Variants in HDLBP observed in about 807,000 individuals in gnomAD.
The protein encoded by HDLBP is vigilin.
Under a neutral mutation model 137.3 loss-of-function variants are expected in HDLBP, and 30 were observed. The ratio of observed to expected loss-of-function variants is 0.22; its 90% CI spans 0.16 to 0.30. HDLBP has a LOEUF of 0.30. Ranked by LOEUF, HDLBP falls within the 10% of genes least tolerant of loss-of-function variation. The pLI is 1.00. For synonymous variants in HDLBP, 606 were observed against 596.0 expected (o/e 1.02, Z -0.24); for missense variants, 1,119 against 1,667.3 (o/e 0.67, Z 5.73).
Position 241,230,351 on chromosome 2 carries a change from A to G in HDLBP, c.3475-82T>C. ...ATTATGTGTCAATTTCTAGTGAAGC[A>G]TTTTCTGAGTTAGCAAACGTTTTAA... is the stretch of plus-strand genomic sequence containing the variant. On this transcript the variant is annotated intron_variant, in intron 25 of 27. Transcript: ENST00000310931. The surrounding 1 kb of genome is among the most constrained non-coding windows in gnomAD (Gnocchi z 5.0). The G allele has an allele frequency of 1.1e-6, 1 of 890,998 alleles. No homozygotes were observed. The highest frequency in any genetic ancestry group is 1.8e-6 in the Non-Finnish European group (1 of 566,132). The allele number at this position is 890,998 out of a possible 1,614,324, so 55.2% of individuals were successfully genotyped here.
rs200742521 is a variant in HDLBP at position 241,266,856 on chromosome 2, G to T, written c.14C>A (p.Ala5Glu). Residue 5 changes from alanine to glutamate, a missense_variant, in exon 3 of 28, where the codon GCA becomes GAA. Ala to Glu is a moderately radical substitution (Grantham distance 107). Coordinates refer to ENST00000310931, the MANE Select transcript of HDLBP (RefSeq NM_005336.6). ...AGCAAAACTCTCTTGGGTCAAAACTGCAACGGAACTCATGGTTGATCTCAC... is the reference window on the plus strand; with the variant it reads ...AGCAAAACTCTCTTGGGTCAAAACTTCAACGGAACTCATGGTTGATCTCAC... The part of the protein sequence containing the change: MSSV[A>E]VLTQESFAEH... 2 of 1,614,150 alleles carry T rather than the reference G, an allele frequency of 1.2e-6. No homozygotes were observed. The highest frequency in any genetic ancestry group is 2.2e-5 in the South Asian group (2 of 91,080).
intron 1 of HDLBP, among the ~76,000 whole-genome samples, chr2:241,291,960 A>C (rs2149656978): frequency 6.6e-6 from 1 of 152,342 alleles, no homozygotes; most frequent in South Asian, 2.1e-4. Flanking sequence ...AGTGAGACTG[A>C]TTTCAGCCAC....
intron 1 of HDLBP, among the ~76,000 whole-genome samples, chr2:241,296,005 A>G (rs1334587272): frequency 1.3e-5 from 2 of 151,688 alleles, no homozygotes; most frequent in Non-Finnish European, 2.9e-5. Context: ...CAGCCCTGGG[A>G]AAGTAACACA....
At position 241,253,333 on chromosome 2, in the gene HDLBP, A is replaced by T. The variant is rs570273523; in HGVS notation, c.1293+60T>A. ...GGATGTCATCGAGAGATGACCGCCC[A>T]TGCCCAACTCAGAGCCTCCCTTGTC... On this transcript the variant is annotated intron_variant, in intron 10 of 27. Coordinates refer to ENST00000310931, the MANE Select transcript of HDLBP (RefSeq NM_005336.6). 4 of 1,161,606 alleles carry T rather than the reference A, an allele frequency of 3.4e-6. No individual in the cohort carries two copies. The Admixed American group carries it at 6.7e-5, about 20-fold the overall frequency. The allele number at this position is 1,161,606 out of a possible 1,614,324, so 72.0% of individuals were successfully genotyped here. A position where few individuals can be genotyped will look rare whatever the true frequency, so the allele number is the denominator to read the frequency against.
chr2:241,294,467 A>T (rs1025615790), intron 1 of HDLBP, among the ~76,000 whole-genome samples: 2 of 152,250 alleles, frequency 1.3e-5, no homozygotes, highest in East Asian at 3.9e-4. Context: ...TTATTTTATT[A>T]TTTATTTATT....
chr2:241,248,058 G>A lies in HDLBP; in HGVS notation c.1676C>T (p.Pro559Leu). ...TGTGCATTTTTCCACCTCATTCTTA[G>A]GTCCTCTGAGCTGGACAATGTCACT... ...QKSDIVQLRGPKNEVEKCTKY... is the reference protein window; with the variant it reads ...QKSDIVQLRGLKNEVEKCTKY... Residue 559 changes from proline (P) to leucine (L), a missense_variant, in exon 14 of 28, where the codon CCT becomes CTT. Pro to Leu is a moderately conservative substitution (Grantham distance 98). This residue lies in a region of HDLBP where 425 missense variants were observed against 693.9 expected (regional missense o/e 0.61). Coordinates refer to ENST00000310931, the MANE Select transcript of HDLBP (RefSeq NM_005336.6). 1.2e-6 allele frequency: 2 copies of A among 1,614,132 alleles called. No individual in the cohort carries two copies. Among genetic ancestry groups the A allele is most frequent in the Non-Finnish European group, 1.7e-6 (2 of 1,179,994 alleles).
At chr2:241,297,202 T>C (rs1452056052) in intron 1 of HDLBP, among the ~76,000 whole-genome samples, 1 of 152,136 alleles carries the variant, frequency 6.6e-6, no homozygotes. Flanking sequence ...GTGAGGAAGA[T>C]GCTCATGGTG....
At chr2:241,274,457 C>T (rs1344036876) in intron 1 of HDLBP, among the ~76,000 whole-genome samples, 1 of 152,188 alleles carries the variant, frequency 6.6e-6, no homozygotes, top group African/African-American at 2.4e-5. Flanking sequence ...GGGGATTAAC[C>T]AATCAGCAAC....
At chr2:241,278,419 C>A (rs570727483) in intron 1 of HDLBP, among the ~76,000 whole-genome samples, 20 of 152,130 alleles carry the variant, frequency 1.3e-4, no homozygotes, top group Non-Finnish European at 2.1e-4. Context: ...TCCGTCTCTA[C>A]TAAACATACA....
chr2:241,281,074 G>A (rs183847537), intron 1 of HDLBP, among the ~76,000 whole-genome samples: 1 of 152,286 alleles, frequency 6.6e-6, no homozygotes, highest in East Asian at 1.9e-4. Context: ...TAAGATGGGG[G>A]GCTGGGCGCG....
rs1276351425 is a variant in HDLBP, at chr2:241,227,819, C to T, written c.*1782G>A. ...ATGCAGATGGGGAAGAGGTGACAGC[C>T]CTTCCCCACTGGCCTCCCCCGTGGA... is the stretch of plus-strand genomic sequence containing the variant. On this transcript the variant is annotated 3_prime_UTR_variant, in exon 28 of 28. Transcript: ENST00000310931. The T allele has an allele frequency of 6.6e-6, 1 of 150,680 alleles. No individual in the cohort carries two copies. The highest frequency in any genetic ancestry group is 1.9e-4 in the East Asian group (1 of 5,204). 9.3% of individuals were successfully genotyped at this position (150,680 alleles called of 1,614,324 possible).
chr2:241,232,431 A>C (rs867371487), intron 24 of HDLBP, among the ~76,000 whole-genome samples: 3 of 152,124 alleles, frequency 2.0e-5, no homozygotes, highest in Admixed American at 6.5e-5. Context: ...GCACGCGACC[A>C]CGCCTGGCTA....
At chr2:241,243,910 C>G (rs935560549) in intron 16 of HDLBP, among the ~76,000 whole-genome samples, 1 of 151,862 alleles carries the variant, frequency 6.6e-6, no homozygotes, top group African/African-American at 2.4e-5. Context: ...AAACCCATAA[C>G]GAGGAAAAGA....
intron 1 of HDLBP, among the ~76,000 whole-genome samples, chr2:241,296,873 A>G (rs998514345): frequency 1.3e-5 from 2 of 152,274 alleles, no homozygotes; most frequent in African/African-American, 4.8e-5. Flanking sequence ...AAAAGAATAC[A>G]GAAGCATAGG....
rs1006910251 is a variant in HDLBP, at chr2:241,272,052, C to G, written c.-102-3511G>C. The G allele has an allele frequency of 7.8e-6, 3 of 383,290 alleles. No individual in the cohort carries two copies. Among genetic ancestry groups the G allele is most frequent in the African/African-American group, 6.6e-5 (3 of 45,764 alleles). The allele number at this position is 383,290 out of a possible 1,614,324, so 23.7% of individuals were successfully genotyped here. Reference sequence around the variant, plus strand: ...GGACAGCAACCCCTCGGCCTCCCCGCCTTTCATCCAAATTCGGTACTTTTC... The same window carrying G: ...GGACAGCAACCCCTCGGCCTCCCCGGCTTTCATCCAAATTCGGTACTTTTC... On this transcript the variant is annotated intron_variant, in intron 1 of 27. Transcript: ENST00000310931. The surrounding 1 kb of genome is among the most constrained non-coding windows in gnomAD (Gnocchi z 5.6).
At chr2:241,286,460 T>C (rs2074812675) in intron 1 of HDLBP, among the ~76,000 whole-genome samples, 1 of 152,192 alleles carries the variant, frequency 6.6e-6, no homozygotes, top group African/African-American at 2.4e-5. Flanking sequence ...AATGCAACCA[T>C]TTGTCTCTTA....
At chr2:241,315,368 G>A (rs144138171) in intron 1 of HDLBP, 1,798 of 152,174 alleles carry the variant, frequency 0.012, 16 homozygotes, top group South Asian at 0.021. Context: ...CGTACTCGGC[G>A]CCCCAGCTCG....
chr2:241,313,454 A>AT (rs557430646), intron 1 of HDLBP, among the ~76,000 whole-genome samples: 4 of 152,096 alleles, frequency 2.6e-5, no homozygotes, highest in African/African-American at 9.6e-5. Context: ...TAATTTTTGT[A>AT]TTTTTAGTAG....
At chr2:241,246,680 A>T in intron 16 of HDLBP, 72 bp downstream of exon 16, 2 of 1,486,434 alleles carry the variant, frequency 1.3e-6, no homozygotes. Context: ...GCGTGACTCA[A>T]CCCCAGGCTC....
Sources: gnomAD v4.1 joint callset for allele counts (sites outside exome capture counted in the v4.1 genomes callset) on GRCh38, gnomAD v4.1.1 for gene constraint, gnomAD v4.1.1 regional missense constraint, Gnocchi (gnomAD v3.1) non-coding constraint, MANE v1.5 for transcripts, NCBI Gene and HGNC (gene_info 2026-07-23, HGNC 2026-07-21) for gene names.